The following TMC1 variants were observed in gnomAD, a reference collection of about 807,000 sequenced individuals.
TMC1 encodes transmembrane channel-like protein 1.
In TMC1, 84 loss-of-function variants were observed where a neutral mutation model predicts 105.8. The ratio of observed to expected loss-of-function variants is 0.79; its 90% CI spans 0.67 to 0.95. The LOEUF is 0.95. Among genes scored for constraint, TMC1 ranks in the 40% least tolerant of loss-of-function variants. The pLI is 0.00. For missense variants in TMC1, 817 were observed against 914.1 expected (o/e 0.89, Z 1.37); for synonymous variants, 315 against 311.5 (o/e 1.01, Z -0.12).
chr9:72,614,881 T>C (rs1433632160), intron 2 of TMC1, among the ~76,000 whole-genome samples: 1 of 152,150 alleles, frequency 6.6e-6, no homozygotes, highest in African/African-American at 2.4e-5. Context: ...GGTTTCATCA[T>C]GTTGCTCAGG....
intron 2 of TMC1, among the ~76,000 whole-genome samples, chr9:72,588,314 A>G (rs928552418): frequency 4.0e-5 from 6 of 149,532 alleles, no homozygotes; most frequent in African/African-American, 1.5e-4. Context: ...TGAAGTTGCA[A>G]TTTGGATAGG....
At chr9:72,747,663 C>T (rs561620720) in intron 10 of TMC1, among the ~76,000 whole-genome samples, 4 of 152,196 alleles carry the variant, frequency 2.6e-5, no homozygotes, top group South Asian at 4.1e-4. Flanking sequence ...GGCGCAATCT[C>T]GGCTCACTGC....
chr9:72,710,031 C>A (rs1225497239), intron 8 of TMC1, among the ~76,000 whole-genome samples: 1 of 152,062 alleles, frequency 6.6e-6, no homozygotes, highest in Non-Finnish European at 1.5e-5. Flanking sequence ...TGTATCCCAG[C>A]AGTTTTGATA....
chr9:72,820,912 C>T lies in TMC1; in HGVS notation c.1834C>T (p.Gln612Ter). Reference protein sequence around the residue: ...ILRLHTSMYFQCWAVMCCNVP... With the variant: ...ILRLHTSMYF ...TCGACTCCATACATCCATGTACTTC[C>T]AGTGCTGGGCCGTTATGTGCTGCAA... Residue 612 changes from glutamine (Q) to a stop codon, truncating the protein, a stop_gained, in exon 20 of 24, where the codon CAG becomes TAG. Coordinates refer to ENST00000297784, the MANE Select transcript of TMC1 (RefSeq NM_138691.3). LOFTEE classifies it high-confidence loss of function. The T allele has an allele frequency of 6.2e-7, 1 of 1,614,140 alleles. No homozygotes were observed. Among genetic ancestry groups the T allele is most frequent in the South Asian group, 1.1e-5 (1 of 91,066 alleles).
intron 13 of TMC1, among the ~76,000 whole-genome samples, chr9:72,776,333 C>A (rs1229896212): frequency 6.6e-6 from 1 of 151,878 alleles, no homozygotes; most frequent in Admixed American, 6.6e-5. Context: ...GGCAAAATGA[C>A]AGTATGTTCA....
chr9:72,572,074 G>A (rs974520340), intron 1 of TMC1, among the ~76,000 whole-genome samples: 81 of 152,172 alleles, frequency 5.3e-4, no homozygotes, highest in African/African-American at 9.6e-5. Context: ...AACCTCAGGT[G>A]ATCTGCCCGC....
At chr9:72,709,652 G>A (rs886110773) in intron 8 of TMC1, among the ~76,000 whole-genome samples, 1 of 152,078 alleles carries the variant, frequency 6.6e-6, no homozygotes, top group Non-Finnish European at 1.5e-5. Flanking sequence ...TGTGCATAAA[G>A]GTGTTCATAG....
chr9:72,664,402 C>T, intron 5 of TMC1, among the ~76,000 whole-genome samples: 1 of 152,154 alleles, frequency 6.6e-6, no homozygotes, highest in Non-Finnish European at 1.5e-5. Context: ...GCCTTACTCC[C>T]AAGCCTGGAA....
At chr9:72,690,073 A>G (rs370576180) in intron 6 of TMC1, among the ~76,000 whole-genome samples, 1 of 151,850 alleles carries the variant, frequency 6.6e-6, no homozygotes. Flanking sequence ...GATTTTTATT[A>G]TAGTGATATA....
rs1828279180 is a variant in TMC1, at chr9:72,792,029, A to G, written c.1368A>G (p.Val456=). ...IFALLLGNLY[V]FILALMDEIN... is the part of the protein sequence containing the mutation. ...CTCTTCTTTTAGGCAATTTATACGT[A>G]TTTATTCTTGCATTAATGGATGAGA... is the stretch of plus-strand genomic sequence containing the variant. Residue 456 remains valine, a synonymous_variant, in exon 16 of 24, where the codon GTA becomes GTG. Coordinates refer to ENST00000297784, the MANE Select transcript of TMC1 (RefSeq NM_138691.3). The G allele has an allele frequency of 2.5e-6, 4 of 1,613,968 alleles. No homozygotes were observed. Among genetic ancestry groups the G allele is most frequent in the African/African-American group, 1.3e-5 (1 of 74,914 alleles).
At chr9:72,632,874 CAT>C (rs1358217337) in intron 4 of TMC1, among the ~76,000 whole-genome samples, 2 of 152,002 alleles carry the variant, frequency 1.3e-5, no homozygotes, top group Non-Finnish European at 2.9e-5. Context: ...AACTTGGAAA[CAT>C]ATCTGCATGC....
chr9:72,551,851 C>T (rs534995087), intron 1 of TMC1, among the ~76,000 whole-genome samples: 72 of 152,102 alleles, frequency 4.7e-4, no homozygotes, highest in Non-Finnish European at 6.8e-4. Flanking sequence ...GGGAAAAGAC[C>T]GTGTGATGAT....
At chr9:72,716,556 A>G (rs1247113893) in intron 8 of TMC1, among the ~76,000 whole-genome samples, 2 of 152,098 alleles carry the variant, frequency 1.3e-5, no homozygotes, top group African/African-American at 4.8e-5. Context: ...AACTTTGTGT[A>G]CACTGTGAGG....
At chr9:72,688,633 A>G in intron 5 of TMC1, 76 bp from the exon 6 acceptor site, 2 of 1,354,290 alleles carry the variant, frequency 1.5e-6, no homozygotes, top group Middle Eastern at 1.8e-4. Context: ...TGATAAAAAC[A>G]ATAAAAGTAA....
At chr9:72,816,583 T>C (rs1451614587) in intron 19 of TMC1, among the ~76,000 whole-genome samples, 1 of 151,992 alleles carries the variant, frequency 6.6e-6, no homozygotes, top group Non-Finnish European at 1.5e-5. Flanking sequence ...AGAGACCGAG[T>C]TTATTTTGTT....
intron 5 of TMC1, among the ~76,000 whole-genome samples, chr9:72,657,518 G>T (rs958273997): frequency 3.9e-5 from 6 of 152,058 alleles, no homozygotes; most frequent in African/African-American, 1.4e-4. Flanking sequence ...AATTTTACAT[G>T]ATGTAAACAG....
chr9:72,578,987 G>T (rs1344365731), intron 2 of TMC1, among the ~76,000 whole-genome samples: 7 of 152,166 alleles, frequency 4.6e-5, no homozygotes, highest in Non-Finnish European at 4.4e-5. Flanking sequence ...GCTCAAATTG[G>T]GAATTGCTTT....
chr9:72,624,447 CT>C (rs755209271), intron 3 of TMC1, among the ~76,000 whole-genome samples: 2 of 152,094 alleles, frequency 1.3e-5, no homozygotes, highest in Non-Finnish European at 2.9e-5. Flanking sequence ...TTTTCTTGTC[CT>C]GTCGAAATGG....
At chr9:72,767,111 C>T (rs753150446) in intron 12 of TMC1, among the ~76,000 whole-genome samples, 42 of 152,226 alleles carry the variant, frequency 2.8e-4, no homozygotes, top group Non-Finnish European at 5.1e-4. Context: ...TTGAAACCTT[C>T]GTTCATGCTA....
Sources: gnomAD v4.1 joint callset for allele counts (sites outside exome capture counted in the v4.1 genomes callset) on GRCh38, gnomAD v4.1.1 for gene constraint, MANE v1.5 for transcripts, NCBI Gene and HGNC (gene_info 2026-07-23, HGNC 2026-07-21) for gene names.